The following LINGO2 variants were observed in gnomAD, a reference collection of about 807,000 sequenced individuals.
LINGO2 encodes the protein leucine rich repeat and Ig domain containing 2, also known as leucine-rich repeat and immunoglobulin-like domain-containing nogo receptor-interacting protein 2.
Under a neutral mutation model 30.6 loss-of-function variants are expected in LINGO2, and 14 were observed. That is an observed-to-expected ratio of 0.46 (90% CI 0.30 to 0.72). The LOEUF (loss-of-function observed/expected upper bound fraction) is 0.72, where lower values mean the gene tolerates loss of function less well. LINGO2 is among the 30% of genes least tolerant of loss of function. LINGO2 has a pLI of 0.07. For synonymous variants in LINGO2, 317 were observed against 288.5 expected (o/e 1.10, Z -1.00); for missense variants, 729 against 751.7 (o/e 0.97, Z 0.35).
chr9:28,324,174 C>T (rs568772923), intron 3 of LINGO2, among the ~76,000 whole-genome samples: 9 of 152,242 alleles, frequency 5.9e-5, no homozygotes, highest in Admixed American at 2.6e-4. Flanking sequence ...CTGGCTTGCA[C>T]GGGCCCCTGT....
the LINGO2 span, among the ~76,000 whole-genome samples, chr9:29,136,389 AT>A: frequency 6.6e-6 from 1 of 152,132 alleles, no homozygotes; most frequent in South Asian, 2.1e-4. Context: ...TAGTTTAGAA[AT>A]GTTATCTATA....
the LINGO2 span, among the ~76,000 whole-genome samples, chr9:28,713,492 T>C: frequency 6.6e-6 from 1 of 152,140 alleles, no homozygotes; most frequent in Non-Finnish European, 1.5e-5. Flanking sequence ...GATAAGCACC[T>C]CTTGAAAACT....
the LINGO2 span, among the ~76,000 whole-genome samples, chr9:29,133,831 C>T: frequency 6.6e-6 from 1 of 152,000 alleles, no homozygotes; most frequent in African/African-American, 2.4e-5. Flanking sequence ...TTTTAGAGGT[C>T]ACGTGTATCA....
chr9:28,861,039 T>C, the LINGO2 span, among the ~76,000 whole-genome samples: 1 of 118,280 alleles, frequency 8.5e-6, no homozygotes, highest in Non-Finnish European at 1.7e-5. Flanking sequence ...TACATATTAT[T>C]AATATATAAA....
chr9:28,732,359 A>G, the LINGO2 span, among the ~76,000 whole-genome samples: 1 of 151,268 alleles, frequency 6.6e-6, no homozygotes, highest in Admixed American at 6.6e-5. Flanking sequence ...ATTCCAAAAA[A>G]AAATGAAAAA....
the LINGO2 span, among the ~76,000 whole-genome samples, chr9:28,891,800 A>C: frequency 6.6e-6 from 1 of 151,992 alleles, no homozygotes; most frequent in East Asian, 1.9e-4. Flanking sequence ...AATAAAGAAA[A>C]TGGTCAAAGT....
the LINGO2 span, among the ~76,000 whole-genome samples, chr9:29,199,764 CCTAT>C: frequency 2.0e-5 from 3 of 152,118 alleles, no homozygotes; most frequent in Non-Finnish European, 4.4e-5. Flanking sequence ...AAATAGGAGG[CCTAT>C]CTGACATTTT....
At chr9:28,727,351 T>A in the LINGO2 span, among the ~76,000 whole-genome samples, 1 of 151,994 alleles carries the variant, frequency 6.6e-6, no homozygotes, top group Non-Finnish European at 1.5e-5. Context: ...AGTGGTGCGA[T>A]CTCAGCTCAC....
chr9:28,680,037 T>G, the LINGO2 span, among the ~76,000 whole-genome samples: 1 of 152,028 alleles, frequency 6.6e-6, no homozygotes. Flanking sequence ...GGTGACTGTG[T>G]TATTGACTAT....
At chr9:28,045,088 A>AG (rs1824356314) in intron 4 of LINGO2, among the ~76,000 whole-genome samples, 1 of 152,084 alleles carries the variant, frequency 6.6e-6, no homozygotes, top group South Asian at 2.1e-4. Context: ...ATAATAGAAG[A>AG]GGAAAAAATT....
At chr9:28,989,933 C>G in the LINGO2 span, among the ~76,000 whole-genome samples, 5 of 152,158 alleles carry the variant, frequency 3.3e-5, no homozygotes, top group African/African-American at 9.7e-5. Flanking sequence ...AGAATAGGAA[C>G]AGCTCCGGTC....
chr9:28,917,214 A>G, the LINGO2 span, among the ~76,000 whole-genome samples: 1 of 152,298 alleles, frequency 6.6e-6, no homozygotes, highest in Non-Finnish European at 1.5e-5. Flanking sequence ...AATAATAACT[A>G]AAAATTAAGT....
intron 4 of LINGO2, among the ~76,000 whole-genome samples, chr9:28,042,348 TATTA>T (rs1056796018): frequency 3.3e-5 from 5 of 152,172 alleles, no homozygotes; most frequent in Non-Finnish European, 5.9e-5. Flanking sequence ...ATCAGCTCCA[TATTA>T]ATTGTCAACT....
At chr9:28,911,753 G>A in the LINGO2 span, among the ~76,000 whole-genome samples, 1 of 152,048 alleles carries the variant, frequency 6.6e-6, no homozygotes, top group East Asian at 1.9e-4. Context: ...AAGGTACAGT[G>A]TGAAGACACA....
intron 4 of LINGO2, among the ~76,000 whole-genome samples, chr9:28,101,384 A>T (rs187850468): frequency 1.1e-4 from 16 of 152,288 alleles, no homozygotes; most frequent in Admixed American, 3.3e-4. Flanking sequence ...AATTAAAGTA[A>T]GACAGCACTT....
intron 5 of LINGO2, among the ~76,000 whole-genome samples, chr9:27,974,871 A>G (rs957079390): frequency 5.9e-5 from 9 of 152,158 alleles, no homozygotes; most frequent in African/African-American, 2.2e-4. Flanking sequence ...TTCCAAGCCT[A>G]TTTAATTCTA....
chr9:28,392,535 G>C (rs1821880701), intron 2 of LINGO2, among the ~76,000 whole-genome samples: 1 of 152,200 alleles, frequency 6.6e-6, no homozygotes, highest in Admixed American at 6.5e-5. Flanking sequence ...TGGGAGAGCA[G>C]CAGGTGCACG....
At chr9:28,103,165 A>G (rs1233086828) in intron 4 of LINGO2, among the ~76,000 whole-genome samples, 1 of 152,192 alleles carries the variant, frequency 6.6e-6, no homozygotes, top group Non-Finnish European at 1.5e-5. Context: ...AGGTAAACAT[A>G]TGTAACCTAT....
the LINGO2 span, among the ~76,000 whole-genome samples, chr9:28,812,994 C>A: frequency 6.6e-6 from 1 of 150,898 alleles, no homozygotes; most frequent in Admixed American, 6.6e-5. Flanking sequence ...AGACATATAC[C>A]AATATAAAGT....
Sources: gnomAD v4.1 joint callset for allele counts (sites outside exome capture counted in the v4.1 genomes callset) on GRCh38, gnomAD v4.1.1 for gene constraint, MANE v1.5 for transcripts, NCBI Gene and HGNC (gene_info 2026-07-23, HGNC 2026-07-21) for gene names.